The following MICU1 variants were observed in gnomAD, a reference collection of about 807,000 sequenced individuals.
The protein encoded by MICU1 is calcium uptake protein 1, mitochondrial.
Under a neutral mutation model 56.8 loss-of-function variants are expected in MICU1, and 45 were observed. That is an observed-to-expected ratio of 0.79 (90% confidence interval 0.62 to 1.02). The LOEUF (loss-of-function observed/expected upper bound fraction) is 1.02. Ranked by LOEUF, MICU1 falls within the 50% of genes least tolerant of loss-of-function variation. The pLI is 0.00. For missense variants in MICU1, 504 were observed against 587.1 expected (o/e 0.86, Z 1.46); for synonymous variants, 186 against 195.1 (o/e 0.95, Z 0.39).
rs544567177 is a variant in MICU1, at chr10:72,444,266, A to C, written c.934-20895T>G. ...AGGGATAGCACTGGGAGATATACCT[A>C]ATGCTAGATGACGAGTTAGTGGGTG... On this transcript the variant is annotated intron_variant, in intron 8 of 11. Coordinates refer to ENST00000361114, the MANE Select transcript of MICU1 (RefSeq NM_001195518.2). Among the ~76,000 whole-genome samples the C allele has an allele frequency of 1.0e-3, 156 of 152,140 alleles. 1 individual carries two copies. The highest frequency in any genetic ancestry group is 0.01 in the Middle Eastern group (3 of 294).
At chr10:72,403,202 G>A (rs1022318015) in intron 10 of MICU1, among the ~76,000 whole-genome samples, 3 of 151,240 alleles carry the variant, frequency 2.0e-5, no homozygotes, top group African/African-American at 4.9e-5. Context: ...ACAGTGACCC[G>A]GGTCACCATT....
At chr10:72,526,875 G>T in intron 5 of MICU1, among the ~76,000 whole-genome samples, 1 of 145,016 alleles carries the variant, frequency 6.9e-6, no homozygotes. Flanking sequence ...ATTATAATCA[G>T]CAAAGATCCA....
intron 10 of MICU1, among the ~76,000 whole-genome samples, chr10:72,378,466 C>T (rs905711774): frequency 1.3e-5 from 2 of 152,130 alleles, no homozygotes; most frequent in Admixed American, 6.5e-5. Flanking sequence ...CCATGTGAGA[C>T]GTGCCTCCTT....
chr10:72,560,774 G>A (rs1840276775), intron 3 of MICU1, among the ~76,000 whole-genome samples: 2 of 152,078 alleles, frequency 1.3e-5, no homozygotes, highest in Non-Finnish European at 2.9e-5. Flanking sequence ...GGAGGCTGAG[G>A]CATGAGAATC....
chr10:72,557,573 A>T (rs1329012598), intron 3 of MICU1, among the ~76,000 whole-genome samples: 1 of 152,226 alleles, frequency 6.6e-6, no homozygotes, highest in Non-Finnish European at 1.5e-5. Context: ...CATAATGTTA[A>T]AAGAATGCAG....
intron 6 of MICU1, among the ~76,000 whole-genome samples, chr10:72,489,945 A>C (rs535945721): frequency 6.6e-6 from 1 of 152,360 alleles, no homozygotes; most frequent in East Asian, 1.9e-4. Context: ...AATTTCTTGG[A>C]AACAAAAAAC....
intron 8 of MICU1, among the ~76,000 whole-genome samples, chr10:72,471,566 T>C (rs1865951709): frequency 2.2e-5 from 3 of 139,368 alleles, no homozygotes; most frequent in Non-Finnish European, 5.0e-5. Context: ...GCTAAAAGTT[T>C]TTTTGTTTGT....
At chr10:72,623,849 C>A (rs1842168695) in intron 1 of MICU1, among the ~76,000 whole-genome samples, 1 of 151,730 alleles carries the variant, frequency 6.6e-6, no homozygotes, top group African/African-American at 2.4e-5. Context: ...CACCCCTCAA[C>A]AAAAGGACCA....
At chr10:72,382,891 A>G (rs1862763938) in intron 10 of MICU1, among the ~76,000 whole-genome samples, 1 of 152,252 alleles carries the variant, frequency 6.6e-6, no homozygotes, top group Non-Finnish European at 1.5e-5. Context: ...CCTGGGCGAC[A>G]GAGCAAGCCT....
intron 8 of MICU1, among the ~76,000 whole-genome samples, chr10:72,474,148 C>T (rs544868674): frequency 9.4e-5 from 14 of 148,690 alleles, no homozygotes; most frequent in Admixed American, 8.9e-4. Flanking sequence ...TCCAGCTACT[C>T]GAGAGGCTGA....
intron 4 of MICU1, among the ~76,000 whole-genome samples, chr10:72,542,989 G>A (rs138845553): frequency 2.6e-5 from 4 of 152,282 alleles, no homozygotes; most frequent in African/African-American, 4.8e-5. Context: ...TCAAGCTCTC[G>A]CTTGAAGTCA....
chr10:72,518,327 C>A (rs981918379), intron 5 of MICU1, among the ~76,000 whole-genome samples: 7 of 151,986 alleles, frequency 4.6e-5, no homozygotes, highest in African/African-American at 1.7e-4. Flanking sequence ...AGCCACTGCA[C>A]CTGGCCTGTT....
Position 72,370,569 on chromosome 10 carries a change from GTAAAACTGTGTTAC to G in MICU1, c.1271-2228_1271-2215del, listed in dbSNP as rs376051214. Among the ~76,000 whole-genome samples, 54 of 152,242 alleles carry G rather than the reference GTAAAACTGTGTTAC, an allele frequency of 3.5e-4. 1 individual carries two copies. The highest frequency in any genetic ancestry group is 1.3e-3 in the African/African-American group (53 of 41,536). On this transcript the variant is annotated intron_variant, in intron 11 of 11. Coordinates refer to ENST00000361114, the MANE Select transcript of MICU1 (RefSeq NM_001195518.2). ...TGGCTTATTTATATAAAGTACAAAG[GTAAAACTGTGTTAC>G]TAGAAGTCAGAAAAGTGGTGACTCT...
At chr10:72,390,544 C>T (rs1863034763) in intron 10 of MICU1, among the ~76,000 whole-genome samples, 3 of 151,888 alleles carry the variant, frequency 2.0e-5, no homozygotes. Flanking sequence ...ATACAGTGTT[C>T]TTCACAATGC....
intron 5 of MICU1, chr10:72,509,355 C>T: frequency 7.5e-7 from 1 of 1,329,842 alleles, no homozygotes; most frequent in Non-Finnish European, 9.9e-7. Context: ...CCAACAAGCA[C>T]CATCACACCA....
At chr10:72,587,526 T>A (rs933060660) in intron 1 of MICU1, among the ~76,000 whole-genome samples, 1 of 151,036 alleles carries the variant, frequency 6.6e-6, no homozygotes, top group Non-Finnish European at 1.5e-5. Context: ...TCACAGCACT[T>A]TGGAAGGCCA....
chr10:72,621,344 T>C (rs908197638), intron 1 of MICU1, among the ~76,000 whole-genome samples: 1 of 150,700 alleles, frequency 6.6e-6, no homozygotes, highest in Non-Finnish European at 1.5e-5. Context: ...AAAAAAAAAA[T>C]AGCCAGCCGT....
chr10:72,524,086 T>TAGGA, intron 5 of MICU1: 2 of 809,282 alleles, frequency 2.5e-6, no homozygotes, highest in Non-Finnish European at 3.3e-6. Flanking sequence ...TCAGTCCTGT[T>TAGGA]ACAGTTCAAG....
intron 8 of MICU1, among the ~76,000 whole-genome samples, chr10:72,447,870 T>C (rs1347869708): frequency 6.6e-6 from 1 of 152,110 alleles, no homozygotes; most frequent in African/African-American, 2.4e-5. Flanking sequence ...AGCTAAATTA[T>C]GAAGTTGCAT....
Sources: allele counts gnomAD v4.1 joint callset (sites outside exome capture counted in the v4.1 genomes callset), GRCh38; gene constraint gnomAD v4.1.1; transcripts MANE v1.5; gene names NCBI Gene and HGNC (gene_info 2026-07-23, HGNC 2026-07-21).